MACROD2: variants seen among roughly 807,000 people sequenced by gnomAD.
MACROD2 encodes mono-ADP ribosylhydrolase 2.
In MACROD2, 36 loss-of-function variants were observed where a neutral mutation model predicts 70.4. The ratio of observed to expected loss-of-function variants is 0.51; its 90% CI spans 0.39 to 0.68. MACROD2 has a LOEUF of 0.68. Among genes scored for constraint, MACROD2 ranks in the 30% least tolerant of loss-of-function variants. The pLI is 0.00. For synonymous variants in MACROD2, 172 were observed against 178.8 expected (o/e 0.96, Z 0.30); for missense variants, 496 against 538.4 (o/e 0.92, Z 0.78).
chr20:14,632,259 T>C (rs1379799287), intron 4 of MACROD2, among the ~76,000 whole-genome samples: 1 of 152,160 alleles, frequency 6.6e-6, no homozygotes, highest in East Asian at 1.9e-4. Flanking sequence ...TCTCTTAAGA[T>C]ATTTAGAATT....
intron 5 of MACROD2, among the ~76,000 whole-genome samples, chr20:14,705,111 T>C (rs180871788): frequency 2.0e-5 from 3 of 152,234 alleles, no homozygotes; most frequent in African/African-American, 7.2e-5. Context: ...CAATTATATC[T>C]ACTTACATAG....
At chr20:15,045,909 G>T (rs1158738687) in intron 5 of MACROD2, among the ~76,000 whole-genome samples, 1 of 151,852 alleles carries the variant, frequency 6.6e-6, no homozygotes, top group African/African-American at 2.4e-5. Flanking sequence ...TTCTGAGGGT[G>T]TTCTGCTGGC....
At chr20:15,658,638 G>C (rs552627911) in intron 8 of MACROD2, among the ~76,000 whole-genome samples, 1 of 152,154 alleles carries the variant, frequency 6.6e-6, no homozygotes, top group Non-Finnish European at 1.5e-5. Context: ...CTCCATCACC[G>C]ACTGAGCAGG....
intron 5 of MACROD2, among the ~76,000 whole-genome samples, chr20:15,218,055 T>C (rs2076826431): frequency 6.6e-6 from 1 of 152,202 alleles, no homozygotes; most frequent in Non-Finnish European, 1.5e-5. Flanking sequence ...AAAACCTGTC[T>C]TGATACTGAA....
chr20:14,937,453 T>A (rs1166325176), intron 5 of MACROD2, among the ~76,000 whole-genome samples: 1 of 152,138 alleles, frequency 6.6e-6, no homozygotes, highest in African/African-American at 2.4e-5. Flanking sequence ...ATCAGTCATC[T>A]TTTACATTAT....
intron 7 of MACROD2, among the ~76,000 whole-genome samples, chr20:15,449,296 A>AGAG (rs1555822103): frequency 9.9e-5 from 15 of 151,612 alleles, no homozygotes; most frequent in Admixed American, 1.3e-4. Flanking sequence ...CCTATTAAAA[A>AGAG]CAGCAGCAAC....
intron 3 of MACROD2, among the ~76,000 whole-genome samples, chr20:14,414,318 C>A (rs971691559): frequency 1.3e-5 from 2 of 152,146 alleles, no homozygotes; most frequent in East Asian, 1.9e-4. Context: ...AGCCCCAAAC[C>A]GTAGTCGCTC....
At chr20:15,440,787 T>A (rs6043280) in intron 7 of MACROD2, among the ~76,000 whole-genome samples, 11,700 of 152,204 alleles carry the variant, frequency 0.077, 1,439 homozygotes, top group African/African-American at 0.26. Flanking sequence ...ATCACCCTAA[T>A]GGCTCTCCTC....
At chr20:15,197,731 C>G (rs544985506) in intron 5 of MACROD2, among the ~76,000 whole-genome samples, 36 of 152,228 alleles carry the variant, frequency 2.4e-4, no homozygotes, top group African/African-American at 7.7e-4. Flanking sequence ...GGGTCTTTCT[C>G]TATTGCCCAG....
intron 10 of MACROD2, among the ~76,000 whole-genome samples, chr20:15,923,283 C>T (rs896327780): frequency 6.6e-6 from 1 of 152,140 alleles, no homozygotes; most frequent in African/African-American, 2.4e-5. Flanking sequence ...GTGAAAGACT[C>T]TTCTTCCATG....
intron 7 of MACROD2, among the ~76,000 whole-genome samples, chr20:15,460,977 CATATATAT>C (rs1157335873): frequency 1.3e-4 from 9 of 69,744 alleles, no homozygotes; most frequent in South Asian, 6.4e-4. Context: ...TCTCTCTCTC[CATATATAT>C]ATATATATAT....
At chr20:16,035,541 A>G (rs1290619782) in intron 15 of MACROD2, among the ~76,000 whole-genome samples, 2 of 152,056 alleles carry the variant, frequency 1.3e-5, no homozygotes, top group Admixed American at 6.6e-5. Context: ...ATGTTAAAAA[A>G]TTAGCCACAA....
chr20:15,598,046 C>T (rs2048769100), intron 8 of MACROD2, among the ~76,000 whole-genome samples: 1 of 151,980 alleles, frequency 6.6e-6, no homozygotes, highest in Non-Finnish European at 1.5e-5. Context: ...GCCCACTGCA[C>T]TCCAGCCTGG....
intron 4 of MACROD2, among the ~76,000 whole-genome samples, chr20:14,555,864 G>A (rs1274753662): frequency 6.6e-6 from 1 of 152,002 alleles, no homozygotes; most frequent in Non-Finnish European, 1.5e-5. Context: ...TGGGGCTGTG[G>A]GAGGAAGCTG....
chr20:15,142,185 G>A (rs6034111), intron 5 of MACROD2, among the ~76,000 whole-genome samples: 6,044 of 152,166 alleles, frequency 0.04, 420 homozygotes, highest in African/African-American at 0.14. Flanking sequence ...AGCATCTAAC[G>A]CAATACCTGG....
rs574408631 is a variant in MACROD2, at chr20:14,347,392, G to A, written c.272-146087G>A. ...AGGCCAATTATGAAAAAGAAAGTACGTAGATTTGGGCTAAATAATAATATC... is the reference window on the plus strand; with the variant it reads ...AGGCCAATTATGAAAAAGAAAGTACATAGATTTGGGCTAAATAATAATATC... On this transcript the variant is annotated intron_variant, in intron 3 of 17. Transcript: ENST00000684519. Among the ~76,000 whole-genome samples the A allele has an allele frequency of 2.0e-5, 3 of 152,256 alleles. No homozygotes were observed. In the East Asian group the frequency reaches 5.8e-4, roughly 29 times the overall value.
At position 15,867,569 on chromosome 20, in the gene MACROD2, T is replaced by C. The variant is rs189596669; in HGVS notation, c.727+4743T>C. On this transcript the variant is annotated intron_variant, in intron 9 of 17. Coordinates refer to ENST00000684519, the MANE Select transcript of MACROD2 (RefSeq NM_001351661.2). The stretch of plus-strand genomic sequence containing the variant: ...TGATTCAACTCAGAAATCTCTTTGT[T>C]CTTTACATAAAAGTGCTTGTATTTT... Among the ~76,000 whole-genome samples, 28 of 152,308 alleles carry C rather than the reference T, an allele frequency of 1.8e-4. No individual in the cohort carries two copies. In the East Asian group the frequency reaches 3.9e-3, roughly 21 times the overall value.
chr20:15,947,999 A>G lies in MACROD2; in HGVS notation c.907+10455A>G, dbSNP rs113138812. 4.7e-3 allele frequency among the ~76,000 whole-genome samples: 718 copies of G among 152,154 alleles called. 5 individuals are homozygous for G. The highest frequency in any genetic ancestry group is 0.01 in the Middle Eastern group (3 of 294). ...ACTGCATGACCCCTACTATGCCCCA[A>G]TTCAGCAGGAAGCAGTTAGAGCGGT... On this transcript the variant is annotated intron_variant, in intron 12 of 17. Coordinates refer to ENST00000684519, the MANE Select transcript of MACROD2 (RefSeq NM_001351661.2).
intron 4 of MACROD2, among the ~76,000 whole-genome samples, chr20:14,543,202 G>A (rs1234116324): frequency 6.6e-6 from 1 of 152,110 alleles, no homozygotes; most frequent in African/African-American, 2.4e-5. Context: ...TTTCCTATCT[G>A]ATGATGTAAG....
Sources: gnomAD v4.1 joint callset for allele counts (sites outside exome capture counted in the v4.1 genomes callset) on GRCh38, gnomAD v4.1.1 for gene constraint, MANE v1.5 for transcripts, NCBI Gene and HGNC (gene_info 2026-07-23, HGNC 2026-07-21) for gene names.